GPR158: variants seen among roughly 807,000 people sequenced by gnomAD.
GPR158 encodes the protein G protein-coupled receptor 158.
A neutral mutation model predicts 78.2 loss-of-function variants in GPR158; 30 were observed. The ratio of observed to expected loss-of-function variants is 0.38; its 90% CI spans 0.29 to 0.52. GPR158 has a LOEUF of 0.52. Ranked by LOEUF, GPR158 falls within the 20% of genes least tolerant of loss-of-function variation. The pLI is 0.83. For missense variants in GPR158, 1,463 were observed against 1,523.5 expected (o/e 0.96, Z 0.66); for synonymous variants, 581 against 591.1 (o/e 0.98, Z 0.25).
chr10:25,334,390 A>G (rs1022652723), intron 2 of GPR158, among the ~76,000 whole-genome samples: 1 of 152,088 alleles, frequency 6.6e-6, no homozygotes, highest in African/African-American at 2.4e-5. Context: ...AAAATCTATA[A>G]TTATCATTTT....
intron 2 of GPR158, among the ~76,000 whole-genome samples, chr10:25,319,299 C>G (rs1854909911): frequency 6.6e-6 from 1 of 152,190 alleles, no homozygotes; most frequent in Non-Finnish European, 1.5e-5. Flanking sequence ...TCACACTTGT[C>G]ACAGTATATT....
intron 1 of GPR158, among the ~76,000 whole-genome samples, chr10:25,204,501 A>T (rs1483204048): frequency 6.6e-6 from 1 of 152,088 alleles, no homozygotes; most frequent in Non-Finnish European, 1.5e-5. Flanking sequence ...TTCTGCATCT[A>T]TTGAGATAAT....
intron 1 of GPR158, among the ~76,000 whole-genome samples, chr10:25,190,249 C>G (rs762860021): frequency 6.6e-6 from 1 of 152,086 alleles, no homozygotes; most frequent in African/African-American, 2.4e-5. Flanking sequence ...ATTGATTCAA[C>G]TAGAAGTTGT....
intron 2 of GPR158, among the ~76,000 whole-genome samples, chr10:25,313,817 T>A (rs7900231): frequency 0.2 from 30,771 of 152,076 alleles, 5,260 homozygotes; most frequent in African/African-American, 0.47. Context: ...CTCTTTACTG[T>A]TTTGCACTTT....
chr10:25,471,306 G>T (rs1192045523), intron 5 of GPR158, among the ~76,000 whole-genome samples: 2 of 152,120 alleles, frequency 1.3e-5, no homozygotes, highest in Non-Finnish European at 2.9e-5. Flanking sequence ...TTTTATGGCT[G>T]CATAGTATTC....
chr10:25,357,940 A>C (rs556966278), intron 2 of GPR158, among the ~76,000 whole-genome samples: 1 of 152,170 alleles, frequency 6.6e-6, no homozygotes, highest in East Asian at 1.9e-4. Context: ...GCTGGGAGGG[A>C]GGCTATACCC....
rs564401857 is a variant in GPR158, at chr10:25,272,515, G to A, written c.1008+51358G>A. Among the ~76,000 whole-genome samples the A allele has an allele frequency of 1.6e-4, 25 of 151,668 alleles. No homozygotes were observed. The South Asian group carries it at 4.6e-3, about 28-fold the overall frequency. On this transcript the variant is annotated intron_variant, in intron 2 of 10. Transcript: ENST00000376351. ...TCACAAGACCCCACCTCTTGTTTAC[G>A]TGCCTTTATGCTTAAGTCAATCCAT... is the stretch of plus-strand genomic sequence containing the variant.
At chr10:25,204,818 G>GGTTTTTTT (rs1483084808) in intron 1 of GPR158, among the ~76,000 whole-genome samples, 2 of 118,966 alleles carry the variant, frequency 1.7e-5, no homozygotes, top group African/African-American at 6.8e-5. Context: ...GTCTCTGAGG[G>GGTTTTTTT]TTTTTTTTTT....
At chr10:25,229,229 A>C (rs1853416688) in intron 2 of GPR158, among the ~76,000 whole-genome samples, 1 of 152,064 alleles carries the variant, frequency 6.6e-6, no homozygotes, top group African/African-American at 2.4e-5. Context: ...AAGAACCTTG[A>C]GCATACCTGT....
intron 2 of GPR158, among the ~76,000 whole-genome samples, chr10:25,302,103 G>C (rs929389139): frequency 7.3e-6 from 1 of 137,548 alleles, no homozygotes; most frequent in Non-Finnish European, 1.5e-5. Flanking sequence ...ATGGAGTCTC[G>C]CTCTGTCGCC....
chr10:25,280,975 A>C (rs557795894), intron 2 of GPR158, among the ~76,000 whole-genome samples: 1 of 151,806 alleles, frequency 6.6e-6, no homozygotes, highest in Admixed American at 6.6e-5. Context: ...TCTCTACTAA[A>C]AATGCAAAAA....
chr10:25,264,385 G>C (rs952367188), intron 2 of GPR158, among the ~76,000 whole-genome samples: 3 of 152,152 alleles, frequency 2.0e-5, no homozygotes, highest in Admixed American at 6.5e-5. Context: ...ATTTGGAGAA[G>C]TCAGGTGGAG....
At chr10:25,406,045 C>G (rs959659256) in intron 3 of GPR158, among the ~76,000 whole-genome samples, 7 of 151,976 alleles carry the variant, frequency 4.6e-5, no homozygotes, top group African/African-American at 1.7e-4. Flanking sequence ...TTTTCATGCC[C>G]TGCATCACAT....
intron 8 of GPR158, among the ~76,000 whole-genome samples, chr10:25,589,417 A>G (rs1226663923): frequency 2.0e-5 from 3 of 152,206 alleles, no homozygotes; most frequent in African/African-American, 7.2e-5. Context: ...TGGAAATGTA[A>G]TGGAATATTG....
chr10:25,241,391 CT>C (rs1853625364), intron 2 of GPR158, among the ~76,000 whole-genome samples: 1 of 134,896 alleles, frequency 7.4e-6, no homozygotes, highest in African/African-American at 3.1e-5. Context: ...CTTCTCTTCT[CT>C]TCTCTTCTCT....
intron 2 of GPR158, among the ~76,000 whole-genome samples, chr10:25,276,003 T>C (rs116331231): frequency 6.6e-6 from 1 of 152,198 alleles, no homozygotes; most frequent in Non-Finnish European, 1.5e-5. Context: ...TTATTCTTAA[T>C]GGTCTTGCTG....
chr10:25,487,441 T>G (rs915500592), intron 5 of GPR158, among the ~76,000 whole-genome samples: 12 of 152,174 alleles, frequency 7.9e-5, no homozygotes, highest in African/African-American at 2.4e-4. Flanking sequence ...AGGCCCTCAT[T>G]CCCACGATGC....
At chr10:25,433,475 A>G (rs1834940788) in intron 4 of GPR158, among the ~76,000 whole-genome samples, 2 of 151,718 alleles carry the variant, frequency 1.3e-5, no homozygotes, top group African/African-American at 2.4e-5. Context: ...TTTTGAATTT[A>G]GCAGTATCAT....
intron 2 of GPR158, among the ~76,000 whole-genome samples, chr10:25,388,810 C>T (rs2130517694): frequency 6.6e-6 from 1 of 152,374 alleles, no homozygotes; most frequent in South Asian, 2.1e-4. Context: ...GGCCCCCTCC[C>T]TTGCCCACAC....
Sources: gnomAD v4.1 joint callset for allele counts (sites outside exome capture counted in the v4.1 genomes callset) on GRCh38, gnomAD v4.1.1 for gene constraint, MANE v1.5 for transcripts, NCBI Gene and HGNC (gene_info 2026-07-23, HGNC 2026-07-21) for gene names.